The following SPECC1 variants were observed in gnomAD, a reference collection of about 807,000 sequenced individuals.
SPECC1 encodes sperm antigen with calponin homology and coiled-coil domains 1.
A neutral mutation model predicts 104.1 loss-of-function variants in SPECC1; 62 were observed. That is an observed-to-expected ratio of 0.60 (90% CI 0.49 to 0.74). SPECC1 has a LOEUF of 0.74. Among genes scored for constraint, SPECC1 ranks in the 30% least tolerant of loss-of-function variants. SPECC1 has a pLI of 0.00. For synonymous variants in SPECC1, 513 were observed against 501.6 expected, an observed-to-expected ratio of 1.02 and a Z score of -0.30; for missense variants, 1,306 against 1,310.5, an observed-to-expected ratio of 1.00 and a Z score of 0.05.
intron 4 of SPECC1, among the ~76,000 whole-genome samples, chr17:20,215,747 T>A (rs995704957): frequency 6.6e-6 from 1 of 152,248 alleles, no homozygotes; most frequent in South Asian, 2.1e-4. Flanking sequence ...TTGAATGTAC[T>A]GTTTTCTTTG....
intron 2 of SPECC1, 106 bp from the exon 3 acceptor site, chr17:20,110,321 T>A (rs912890247): frequency 1.9e-5 from 26 of 1,348,452 alleles, no homozygotes; most frequent in Non-Finnish European, 2.6e-5. Flanking sequence ...TGTTATTGTA[T>A]CTTGACTGCT....
chr17:20,318,973 A>G lies in SPECC1; in HGVS notation c.*4908A>G, dbSNP rs1324425111. On this transcript the variant is annotated 3_prime_UTR_variant, in exon 15 of 15. Coordinates refer to ENST00000395527, the MANE Select transcript of SPECC1 (RefSeq NM_001243439.2). ...AGATGTATTTAACTATTCATAGGAA[A>G]GTGTATGATAAATGACTGTAATATT... The G allele has an allele frequency of 4.4e-5, 8 of 181,958 alleles. No individual in the cohort carries two copies. The highest frequency in any genetic ancestry group is 8.2e-5 in the Non-Finnish European group (7 of 85,518). The allele number at this position is 181,958 out of a possible 1,614,324, so 11.3% of individuals were successfully genotyped here.
chr17:20,142,020 ATAGTGTCATGTACAAATATTG>A (rs1440885048), intron 3 of SPECC1, among the ~76,000 whole-genome samples: 2 of 152,188 alleles, frequency 1.3e-5, no homozygotes, highest in Non-Finnish European at 2.9e-5. Context: ...GAAAACTTGA[ATAGTGTCATGTACAAATATTG>A]TAGTGTCATG....
At chr17:20,026,756 A>G (rs1486784070) in intron 1 of SPECC1, among the ~76,000 whole-genome samples, 1 of 152,162 alleles carries the variant, frequency 6.6e-6, no homozygotes, top group Non-Finnish European at 1.5e-5. Context: ...GAGAGTGCAT[A>G]TATTTCTTCA....
At chr17:20,254,134 C>CATGTGTGTGT (rs1555639511) in intron 10 of SPECC1, among the ~76,000 whole-genome samples, 2 of 135,976 alleles carry the variant, frequency 1.5e-5, no homozygotes, top group African/African-American at 5.9e-5. Context: ...GTTGTTACAC[C>CATGTGTGTGT]GTGTGTGTGT....
At chr17:20,300,055 A>G (rs1385484937) in intron 13 of SPECC1, among the ~76,000 whole-genome samples, 1 of 152,256 alleles carries the variant, frequency 6.6e-6, no homozygotes, top group Non-Finnish European at 1.5e-5. Context: ...TTCAATTTTC[A>G]TGTTAAATAA....
Position 20,009,649 on chromosome 17 carries a change from CG to C in SPECC1, c.-22+227del, listed in dbSNP as rs1165121108. 6.6e-6 allele frequency among the ~76,000 whole-genome samples: 1 copy of C among 152,116 alleles called. No individual in the cohort carries two copies. Among genetic ancestry groups the C allele is most frequent in the Non-Finnish European group, 1.5e-5 (1 of 67,976 alleles). On this transcript the variant is annotated intron_variant, in intron 1 of 14. Transcript: ENST00000395527. The surrounding 1 kb of genome is among the most constrained non-coding windows in gnomAD (Gnocchi z 5.2). ...GAGGGACGTCCTGGCCTGTCCTGCC[CG>C]GCCCGGAGCGGTGGGACCGGTGCCG...
At chr17:20,052,055 G>A (rs551094193) in intron 1 of SPECC1, among the ~76,000 whole-genome samples, 1 of 152,126 alleles carries the variant, frequency 6.6e-6, no homozygotes, top group Non-Finnish European at 1.5e-5. Flanking sequence ...AACCCTAGAA[G>A]AATGTTTGAC....
At chr17:20,061,768 T>C (rs184206157) in intron 1 of SPECC1, among the ~76,000 whole-genome samples, 46 of 152,336 alleles carry the variant, frequency 3.0e-4, no homozygotes, top group African/African-American at 1.0e-3. Context: ...TCAACAAATA[T>C]GTATTAAGGG....
intron 3 of SPECC1, among the ~76,000 whole-genome samples, chr17:20,132,886 C>T (rs2049726513): frequency 6.6e-6 from 1 of 151,824 alleles, no homozygotes; most frequent in African/African-American, 2.4e-5. Flanking sequence ...ACTACAGGCG[C>T]CCGCCACCAT....
Position 20,110,574 on chromosome 17 carries a change from C to T in SPECC1, c.283+12C>T, listed in dbSNP as rs376907900. On this transcript the variant is annotated intron_variant, in intron 3 of 14. Transcript: ENST00000395527. ...GAGGAGCGGCACAGGTAGGAGGGAC[C>T]GGGCAGGTGGGCTCGGCAGGCCATC... 4.9e-5 allele frequency: 79 copies of T among 1,605,366 alleles called. No individual in the cohort carries two copies. Among genetic ancestry groups the T allele is most frequent in the African/African-American group, 9.4e-5 (7 of 74,584 alleles).
intron 3 of SPECC1, among the ~76,000 whole-genome samples, chr17:20,125,312 G>A (rs2049244648): frequency 6.6e-6 from 1 of 152,214 alleles, no homozygotes; most frequent in Admixed American, 6.5e-5. Context: ...TGCGCGTCAT[G>A]TTTGCATCAC....
Position 20,257,566 on chromosome 17 carries a change from G to A in SPECC1, c.2796G>A (p.Leu932=), listed in dbSNP as rs761048680. 1.9e-5 allele frequency: 30 copies of A among 1,613,294 alleles called. No individual in the cohort carries two copies. Among genetic ancestry groups the A allele is most frequent in the Non-Finnish European group, 2.5e-5 (30 of 1,179,870 alleles). The change falls in exon 11 of 15, where the codon CTG becomes CTA. Residue 932 remains leucine (L), a synonymous_variant. Coordinates refer to ENST00000395527, the MANE Select transcript of SPECC1 (RefSeq NM_001243439.2). ...PSLGFGDTRL[L]SASTRAWKPQ... is the part of the protein sequence containing the mutation. ...TGGGCTTTGGGGACACAAGACTGCT[G>A]AGTGCTTCCACCCGGGCATGGAAAC...
chr17:20,115,823 TAA>T (rs1182069266), intron 3 of SPECC1, among the ~76,000 whole-genome samples: 1 of 152,200 alleles, frequency 6.6e-6, no homozygotes, highest in Non-Finnish European at 1.5e-5. Context: ...AAGTCAAAGA[TAA>T]TTCAAGGTTG....
intron 3 of SPECC1, among the ~76,000 whole-genome samples, chr17:20,133,707 T>C (rs2049775439): frequency 6.6e-6 from 1 of 151,950 alleles, no homozygotes; most frequent in South Asian, 2.1e-4. Flanking sequence ...AAAAAGAAAA[T>C]GGAAAATGGA....
intron 12 of SPECC1, among the ~76,000 whole-genome samples, chr17:20,279,309 C>CTTTTTTTTT (rs558884865): frequency 3.2e-4 from 42 of 131,748 alleles, no homozygotes; most frequent in Non-Finnish European, 4.1e-4. Flanking sequence ...ACTTTTCTTT[C>CTTTTTTTTT]TTTTTTTTTT....
rs1231142038 is a variant in SPECC1 at position 20,231,801 on chromosome 17, G to A, written c.2115G>A (p.Arg705=). ...AGGAACAGAAGTCAGACCTGGAGAG[G>A]CAGCTGAAGACTCTGACCAAGCAGA... The part of the protein sequence containing the change: ...KLEEQKSDLE[R]QLKTLTKQMK... The change falls in exon 6 of 15, where the codon AGG becomes AGA. Residue 705 remains arginine (R), a synonymous_variant. Coordinates refer to ENST00000395527, the MANE Select transcript of SPECC1 (RefSeq NM_001243439.2). 3.1e-6 allele frequency: 5 copies of A among 1,614,088 alleles called. No homozygotes were observed. The highest frequency in any genetic ancestry group is 4.2e-6 in the Non-Finnish European group (5 of 1,179,998).
intron 1 of SPECC1, among the ~76,000 whole-genome samples, chr17:20,024,454 GA>G (rs2044520211): frequency 6.6e-6 from 1 of 152,072 alleles, no homozygotes; most frequent in Non-Finnish European, 1.5e-5. Flanking sequence ...CCTTTTTTGA[GA>G]GACAGATTAG....
In SPECC1 at chr17:20,167,130, G is replaced by GTA. The variant is rs1019328174; in HGVS notation, c.284-37193_284-37192dup. Among the ~76,000 whole-genome samples, 275 of 146,988 alleles carry GTA rather than the reference G, an allele frequency of 1.9e-3. 1 individual carries two copies. Among genetic ancestry groups the GTA allele is most frequent in the African/African-American group, 6.2e-3 (249 of 40,318 alleles). On this transcript the variant is annotated intron_variant, in intron 3 of 14. Coordinates refer to ENST00000395527, the MANE Select transcript of SPECC1 (RefSeq NM_001243439.2). Reference sequence around the variant, plus strand: ...CAAATTAGCTATATATATGTAATGTGTATATATATATTATATTATATATAA... The same window carrying GTA: ...CAAATTAGCTATATATATGTAATGTGTATATATATATATTATATTATATATAA...
Sources: gnomAD v4.1 joint callset for allele counts (sites outside exome capture counted in the v4.1 genomes callset) on GRCh38, gnomAD v4.1.1 for gene constraint, Gnocchi (gnomAD v3.1) non-coding constraint, MANE v1.5 for transcripts, NCBI Gene and HGNC (gene_info 2026-07-23, HGNC 2026-07-21) for gene names.